Variants in TRIM35 observed in about 807,000 individuals in gnomAD.
TRIM35 encodes E3 ubiquitin-protein ligase TRIM35.
Under a neutral mutation model 49.1 loss-of-function variants are expected in TRIM35, and 37 were observed. The observed-to-expected ratio is 0.75, with a 90% CI of 0.58 to 0.99. The LOEUF (loss-of-function observed/expected upper bound fraction) is 0.99, where lower values mean the gene tolerates loss of function less well. Ranked by LOEUF, TRIM35 falls within the 50% of genes least tolerant of loss-of-function variation. The pLI is 0.00. For synonymous variants in TRIM35, 302 were observed against 289.3 expected (o/e 1.04, Z -0.45); for missense variants, 648 against 702.7 (o/e 0.92, Z 0.88).
In TRIM35 at chr8:27,304,700, C is replaced by T. The variant is rs1383644106; in HGVS notation, c.435+6101G>A. 2.8e-5 allele frequency: 11 copies of T among 388,286 alleles called. No individual in the cohort carries two copies. The East Asian group carries it at 7.4e-4, about 26-fold the overall frequency. 24.1% of individuals were successfully genotyped at this position (388,286 alleles called of 1,614,324 possible). On this transcript the variant is annotated intron_variant, in intron 1 of 5. Transcript: ENST00000305364. ...CAAGTCCCTGCACAAAGTAGATGTT[C>T]AGTTAACCACCTGCCCAGTCAATGA... is the stretch of plus-strand genomic sequence containing the variant.
intron 1 of TRIM35, among the ~76,000 whole-genome samples, chr8:27,308,144 T>C (rs913613447): frequency 1.3e-5 from 2 of 152,176 alleles, no homozygotes; most frequent in Admixed American, 6.5e-5. Context: ...AAAAGGAATG[T>C]AGCCCTGCAG....
At chr8:27,308,877 C>CTGGTG (rs1398376480) in intron 1 of TRIM35, among the ~76,000 whole-genome samples, 4 of 152,322 alleles carry the variant, frequency 2.6e-5, no homozygotes, top group South Asian at 2.1e-4. Context: ...CTCCTGGATC[C>CTGGTG]TCCTGCACGT....
At chr8:27,290,404 G>A (rs534565881) in intron 3 of TRIM35, among the ~76,000 whole-genome samples, 1 of 152,294 alleles carries the variant, frequency 6.6e-6, no homozygotes, top group Admixed American at 6.5e-5. Flanking sequence ...CCTAAAAAGA[G>A]GTGATTGGGT....
chr8:27,302,906 T>C (rs1802707403), intron 1 of TRIM35, among the ~76,000 whole-genome samples: 1 of 152,186 alleles, frequency 6.6e-6, no homozygotes, highest in Non-Finnish European at 1.5e-5. Context: ...TTTCCAAACC[T>C]TACATCTTTT....
At chr8:27,289,487 C>T (rs1802408735) in intron 4 of TRIM35, among the ~76,000 whole-genome samples, 1 of 152,190 alleles carries the variant, frequency 6.6e-6, no homozygotes, top group Admixed American at 6.5e-5. Context: ...GCATTCAATC[C>T]GAGGGCTCAC....
At chr8:27,304,548 T>G (rs1236609693) in intron 1 of TRIM35, among the ~76,000 whole-genome samples, 1 of 152,180 alleles carries the variant, frequency 6.6e-6, no homozygotes, top group African/African-American at 2.4e-5. Flanking sequence ...GGTAATAGCT[T>G]CTCTTTCCTG....
At chr8:27,291,244 AG>A in intron 3 of TRIM35, among the ~76,000 whole-genome samples, 1 of 152,146 alleles carries the variant, frequency 6.6e-6, no homozygotes, top group East Asian at 1.9e-4. Flanking sequence ...AAATGGGCAA[AG>A]GATGTGAATA....
intron 4 of TRIM35, among the ~76,000 whole-genome samples, chr8:27,289,754 C>T (rs1161157830): frequency 6.6e-6 from 1 of 152,196 alleles, no homozygotes; most frequent in African/African-American, 2.4e-5. Context: ...GGACACAGCT[C>T]TTCCTCATTC....
intron 1 of TRIM35, among the ~76,000 whole-genome samples, chr8:27,308,836 C>A (rs1178700513): frequency 6.6e-6 from 1 of 152,214 alleles, no homozygotes; most frequent in East Asian, 1.9e-4. Flanking sequence ...AAACCCCCAG[C>A]TGCTGTTCAC....
chr8:27,288,183 C>A (rs527730777), intron 5 of TRIM35, 56 bp from the exon 6 acceptor site: 2 of 1,501,652 alleles, frequency 1.3e-6, no homozygotes, highest in South Asian at 1.2e-5. Context: ...TTAGGCCACA[C>A]GTGGATATCT....
Position 27,295,271 on chromosome 8 carries a change from T to C in TRIM35, c.532-961A>G, listed in dbSNP as rs577076273. ...TTGAAGAAAGAATGAGATAACTGAATACACAGAAAAATAAGAGGTGTGTAT... is the reference window on the plus strand; with the variant it reads ...TTGAAGAAAGAATGAGATAACTGAACACACAGAAAAATAAGAGGTGTGTAT... On this transcript the variant is annotated intron_variant, in intron 2 of 5. Transcript: ENST00000305364. Among the ~76,000 whole-genome samples, 4 of 152,252 alleles carry C rather than the reference T, an allele frequency of 2.6e-5. 1 individual carries two copies. In the South Asian group the frequency reaches 6.2e-4, roughly 24 times the overall value.
chr8:27,301,055 G>A (rs1009322009), intron 1 of TRIM35, among the ~76,000 whole-genome samples: 5 of 152,202 alleles, frequency 3.3e-5, no homozygotes, highest in Non-Finnish European at 5.9e-5. Flanking sequence ...ATCACTTGGA[G>A]AGTTCTGGTT....
In TRIM35 at chr8:27,286,339, C is replaced by T. The variant is rs560272491; in HGVS notation, c.*1211G>A. The T allele has an allele frequency of 2.2e-5, 8 of 363,936 alleles. No individual in the cohort carries two copies. The highest frequency in any genetic ancestry group is 8.4e-5 in the South Asian group (4 of 47,818). The allele number at this position is 363,936 out of a possible 1,614,324, so 22.5% of individuals were successfully genotyped here. The stretch of plus-strand genomic sequence containing the variant: ...GAAGTCAGCAGAGACAAGAGGGCAG[C>T]GAGGCCCAGCCTCCTCTTCCCTCTC... On this transcript the variant is annotated 3_prime_UTR_variant, in exon 6 of 6. Transcript: ENST00000305364.
rs1586038556 is a variant in TRIM35 at position 27,285,436 on chromosome 8, G to C, written c.*2114C>G. The C allele has an allele frequency of 6.6e-6, 1 of 152,144 alleles. No individual in the cohort carries two copies. Among genetic ancestry groups the C allele is most frequent in the Non-Finnish European group, 1.5e-5 (1 of 68,040 alleles). The allele number at this position is 152,144 out of a possible 1,614,324, so 9.4% of individuals were successfully genotyped here. Reference sequence around the variant, plus strand: ...GTTCCTAGCAGCATTATGTATAATAGTCAAGAAGTAGAAACGATCCAAATG... The same window carrying C: ...GTTCCTAGCAGCATTATGTATAATACTCAAGAAGTAGAAACGATCCAAATG... On this transcript the variant is annotated 3_prime_UTR_variant, in exon 6 of 6. Transcript: ENST00000305364.
chr8:27,311,085 C>A lies in TRIM35; in HGVS notation c.151G>T (p.Val51Leu), dbSNP rs1563448910. 6.3e-7 allele frequency: 1 copy of A among 1,597,136 alleles called. No homozygotes were observed. The highest frequency in any genetic ancestry group is 8.5e-7 in the Non-Finnish European group (1 of 1,172,806). Residue 51 changes from valine to leucine, a missense_variant, in exon 1 of 6, where the codon GTG (valine) becomes TTG (leucine). Coordinates refer to ENST00000305364, the MANE Select transcript of TRIM35 (RefSeq NM_171982.5). ...CRGCVSRCWE[V>L]QVSPTCPVCK... ...ACTGGGCAGGTGGGCGACACCTGCA[C>A]CTCCCAGCAGCGGCTCACGCACCCG...
chr8:27,291,185 T>G (rs557146635), intron 3 of TRIM35, among the ~76,000 whole-genome samples: 13 of 148,910 alleles, frequency 8.7e-5, no homozygotes, highest in African/African-American at 3.2e-4. Context: ...GTATCTAGAC[T>G]ATATAAAGAA....
At chr8:27,290,708 G>A (rs767688433) in intron 3 of TRIM35, among the ~76,000 whole-genome samples, 2 of 152,162 alleles carry the variant, frequency 1.3e-5, no homozygotes, top group African/African-American at 2.4e-5. Flanking sequence ...TTGATCTACT[G>A]ATTCAGTGCA....
rs758948766 is a variant in TRIM35 at position 27,287,884 on chromosome 8, C to T, written c.1148G>A (p.Gly383Asp). The change falls in exon 6 of 6, where the codon GGC (glycine) becomes GAC (aspartate). Residue 383 changes from glycine to aspartate, a missense_variant. Gly to Asp is a moderately conservative substitution (Grantham distance 94). Coordinates refer to ENST00000305364, the MANE Select transcript of TRIM35 (RefSeq NM_171982.5). The surrounding 1 kb of genome is among the most constrained non-coding windows in gnomAD (Gnocchi z 6.0). ...VRVRQDSGAEGHSHSCYHDTR... is the reference protein window; with the variant it reads ...VRVRQDSGAEDHSHSCYHDTR... ...GTCGTGGTAGCAGCTGTGTGAGTGG[C>T]CCTCAGCGCCCGAGTCCTGGCGCAC... is the stretch of plus-strand genomic sequence containing the variant. 1.2e-6 allele frequency: 2 copies of T among 1,613,136 alleles called. No individual in the cohort carries two copies. Among genetic ancestry groups the T allele is most frequent in the Non-Finnish European group, 1.7e-6 (2 of 1,179,840 alleles).
At position 27,287,962 on chromosome 8, in the gene TRIM35, G is replaced by A. The variant is rs1418755114; in HGVS notation, c.1070C>T (p.Ala357Val). The A allele has an allele frequency of 2.5e-6, 4 of 1,613,268 alleles. No individual in the cohort carries two copies. In the Admixed American group the frequency reaches 5.0e-5, roughly 20 times the overall value. The stretch of plus-strand genomic sequence containing the variant: ...CAGCCCCCCAAGGGCCACCTCCCAG[G>A]CGTGCGAGCCCTGTGAGAAGACACG... The part of the protein sequence containing the change: ...GSRVFSQGSH[A>V]WEVALGGLQS... Residue 357 changes from alanine to valine, a missense_variant, in exon 6 of 6, where the codon GCC becomes GTC. Coordinates refer to ENST00000305364, the MANE Select transcript of TRIM35 (RefSeq NM_171982.5). The surrounding 1 kb of genome is among the most constrained non-coding windows in gnomAD (Gnocchi z 6.0).
Sources: allele counts gnomAD v4.1 joint callset (sites outside exome capture counted in the v4.1 genomes callset), GRCh38; gene constraint gnomAD v4.1.1; non-coding constraint Gnocchi (gnomAD v3.1); transcripts MANE v1.5; gene names NCBI Gene and HGNC (gene_info 2026-07-23, HGNC 2026-07-21).